COBL: variants seen among roughly 807,000 people sequenced by gnomAD.
The protein encoded by COBL is cordon-bleu WH2 repeat protein.
Under a neutral mutation model 98.8 loss-of-function variants are expected in COBL, and 51 were observed. The ratio of observed to expected loss-of-function variants is 0.52; its 90% CI spans 0.41 to 0.65. The LOEUF is 0.65. Ranked by LOEUF, COBL falls within the 30% of genes least tolerant of loss-of-function variation. The pLI is 0.00. For missense variants in COBL, 1,617 were observed against 1,617.5 expected, an observed-to-expected ratio of 1.00 and a Z score of 0.01; for synonymous variants, 634 against 651.7, an observed-to-expected ratio of 0.97 and a Z score of 0.41.
intron 5 of COBL, among the ~76,000 whole-genome samples, chr7:51,159,199 G>T (rs1459692503): frequency 1.3e-5 from 2 of 152,212 alleles, no homozygotes; most frequent in African/African-American, 4.8e-5. Context: ...GCGCAAAGCA[G>T]GGAGGTGGGG....
At chr7:51,237,004 C>T (rs1034052544) in intron 1 of COBL, among the ~76,000 whole-genome samples, 1 of 152,204 alleles carries the variant, frequency 6.6e-6, no homozygotes, top group Non-Finnish European at 1.5e-5. Flanking sequence ...CCGGTCTGCA[C>T]TGGACTGGCC....
At position 51,272,290 on chromosome 7, in the gene COBL, G is replaced by A. The variant is rs553306670; in HGVS notation, c.41+44303C>T. Among the ~76,000 whole-genome samples the A allele has an allele frequency of 1.4e-4, 22 of 152,222 alleles. No individual in the cohort carries two copies. The South Asian group carries it at 4.4e-3, about 30-fold the overall frequency. ...GGTATGATTTTTTTCCAGTAGGCTA[G>A]ATTTTATCCCCATTTTGCAGATTAT... On this transcript the variant is annotated intron_variant, in intron 1 of 12. Coordinates refer to ENST00000265136, the MANE Select transcript of COBL (RefSeq NM_015198.5).
intron 7 of COBL, among the ~76,000 whole-genome samples, chr7:51,059,193 A>G (rs1791074973): frequency 6.6e-6 from 1 of 152,184 alleles, no homozygotes; most frequent in Non-Finnish European, 1.5e-5. Flanking sequence ...TCTTAAATGT[A>G]TGTATAGCTC....
intron 5 of COBL, among the ~76,000 whole-genome samples, chr7:51,145,626 A>T (rs57792904): frequency 6.7e-6 from 1 of 149,080 alleles, no homozygotes; most frequent in Non-Finnish European, 1.5e-5. Context: ...TGATCTGCCC[A>T]CCTCGGCCTC....
intron 5 of COBL, among the ~76,000 whole-genome samples, chr7:51,137,202 T>G (rs1337819432): frequency 2.6e-5 from 4 of 152,196 alleles, no homozygotes; most frequent in Non-Finnish European, 5.9e-5. Flanking sequence ...TGAGAGCCAA[T>G]GCAGTATAGG....
At chr7:51,254,733 C>T (rs193142343) in intron 1 of COBL, among the ~76,000 whole-genome samples, 9 of 152,244 alleles carry the variant, frequency 5.9e-5, no homozygotes, top group Admixed American at 1.3e-4. Context: ...TCTATGAACA[C>T]CAGCTTTTTC....
intron 7 of COBL, among the ~76,000 whole-genome samples, chr7:51,050,237 T>C (rs999830783): frequency 2.0e-5 from 3 of 152,246 alleles, no homozygotes; most frequent in African/African-American, 7.2e-5. Flanking sequence ...TCAAGTGATG[T>C]ATTCTTGGTA....
At chr7:51,029,670 T>G in intron 9 of COBL, 79 bp from the exon 10 acceptor site, 2 of 1,220,494 alleles carry the variant, frequency 1.6e-6, no homozygotes, top group Admixed American at 4.7e-5. Context: ...GACTTTGATT[T>G]CCCTGAGGTT....
chr7:51,271,323 C>A (rs1322486046), intron 1 of COBL, among the ~76,000 whole-genome samples: 1 of 152,236 alleles, frequency 6.6e-6, no homozygotes, highest in Non-Finnish European at 1.5e-5. Context: ...CAATGCACCA[C>A]TTCATTCCAC....
chr7:51,109,526 C>G (rs1796638414), intron 6 of COBL, among the ~76,000 whole-genome samples: 1 of 152,138 alleles, frequency 6.6e-6, no homozygotes, highest in Non-Finnish European at 1.5e-5. Context: ...TGCCCCCCAC[C>G]CCTGGCTACC....
chr7:51,097,259 T>TA (rs563154708), intron 6 of COBL, among the ~76,000 whole-genome samples: 225 of 152,210 alleles, frequency 1.5e-3, no homozygotes, highest in African/African-American at 5.2e-3. Flanking sequence ...TTTTATGATT[T>TA]AAAAAAACAC....
At chr7:51,077,611 T>C (rs1366469220) in intron 7 of COBL, among the ~76,000 whole-genome samples, 1 of 152,248 alleles carries the variant, frequency 6.6e-6, no homozygotes, top group Non-Finnish European at 1.5e-5. Flanking sequence ...AAGATTATGC[T>C]TTCTACAGCA....
intron 1 of COBL, among the ~76,000 whole-genome samples, chr7:51,229,974 C>T (rs1794589988): frequency 6.6e-6 from 1 of 152,154 alleles, no homozygotes; most frequent in African/African-American, 2.4e-5. Context: ...GATCACACCC[C>T]TACCTTTAGC....
chr7:51,193,630 G>A, intron 2 of COBL, 41 bp from the exon 3 acceptor site: 2 of 1,565,448 alleles, frequency 1.3e-6, no homozygotes, highest in South Asian at 2.3e-5. Flanking sequence ...AGGAATGACT[G>A]CACTCTCTCT....
chr7:51,078,911 G>C (rs925517105), intron 7 of COBL, among the ~76,000 whole-genome samples: 1 of 152,240 alleles, frequency 6.6e-6, no homozygotes, highest in Non-Finnish European at 1.5e-5. Flanking sequence ...AGCTCACAGC[G>C]TGGTGGCTGG....
rs1409699861 is a variant in COBL, at chr7:51,231,834, T to TAGC, written c.42-11893_42-11891dup. Among the ~76,000 whole-genome samples the TAGC allele has an allele frequency of 1.3e-5, 2 of 152,126 alleles. 1 individual carries two copies. Among genetic ancestry groups the TAGC allele is most frequent in the African/African-American group, 4.8e-5 (2 of 41,430 alleles). On this transcript the variant is annotated intron_variant, in intron 1 of 12. Coordinates refer to ENST00000265136, the MANE Select transcript of COBL (RefSeq NM_015198.5). The stretch of plus-strand genomic sequence containing the variant: ...ACAAGAGCATGTGGCACCAGACCTG[T>TAGC]AGCACCAGAAGGTATGCTGACCACC...
At chr7:51,300,636 C>T (rs942956886) in intron 1 of COBL, among the ~76,000 whole-genome samples, 9 of 152,168 alleles carry the variant, frequency 5.9e-5, no homozygotes, top group African/African-American at 2.2e-4. Flanking sequence ...GACGCAGGAA[C>T]GCGGTCTGGG....
intron 5 of COBL, among the ~76,000 whole-genome samples, chr7:51,170,844 T>C (rs1246205945): frequency 6.6e-6 from 1 of 152,050 alleles, no homozygotes; most frequent in Non-Finnish European, 1.5e-5. Flanking sequence ...TATTCTATCA[T>C]ACAGTTGTGT....
At chr7:51,092,745 C>T (rs1329296745) in intron 6 of COBL, among the ~76,000 whole-genome samples, 1 of 152,038 alleles carries the variant, frequency 6.6e-6, no homozygotes, top group Non-Finnish European at 1.5e-5. Context: ...GTTCTTTTTG[C>T]TCAAGATTTG....
Sources: gnomAD v4.1 joint callset for allele counts (sites outside exome capture counted in the v4.1 genomes callset) on GRCh38, gnomAD v4.1.1 for gene constraint, MANE v1.5 for transcripts, NCBI Gene and HGNC (gene_info 2026-07-23, HGNC 2026-07-21) for gene names.